B3GALT1: variants seen among roughly 807,000 people sequenced by gnomAD.
B3GALT1 encodes beta-1,3-galactosyltransferase 1.
A neutral mutation model predicts 23.2 loss-of-function variants in B3GALT1; 10 were observed. The observed-to-expected ratio is 0.43, with a 90% CI of 0.27 to 0.73. B3GALT1 has a LOEUF of 0.73. Among genes scored for constraint, B3GALT1 ranks in the 30% least tolerant of loss-of-function variants. B3GALT1 has a pLI of 0.21. For synonymous variants in B3GALT1, 156 were observed against 141.5 expected, an observed-to-expected ratio of 1.10 and a Z score of -0.73; for missense variants, 299 against 405.4, an observed-to-expected ratio of 0.74 and a Z score of 2.25.
At chr2:167,518,418 A>T (rs913320964) in intron 2 of B3GALT1, among the ~76,000 whole-genome samples, 1 of 152,216 alleles carries the variant, frequency 6.6e-6, no homozygotes, top group Non-Finnish European at 1.5e-5. Context: ...TACAAGAAAT[A>T]AATGTAAAAA....
intron 2 of B3GALT1, among the ~76,000 whole-genome samples, chr2:167,512,063 T>A (rs1381471280): frequency 6.6e-6 from 1 of 152,148 alleles, no homozygotes; most frequent in Non-Finnish European, 1.5e-5. Flanking sequence ...TCAAAAGTAC[T>A]ATGAAGAAAA....
At chr2:167,446,889 G>A (rs1283578627) in intron 1 of B3GALT1, among the ~76,000 whole-genome samples, 1 of 152,146 alleles carries the variant, frequency 6.6e-6, no homozygotes, top group Non-Finnish European at 1.5e-5. Flanking sequence ...ATCCAACTTT[G>A]TTGTGTTGCT....
intron 3 of B3GALT1, among the ~76,000 whole-genome samples, chr2:167,669,386 C>G (rs1686279347): frequency 6.6e-6 from 1 of 152,122 alleles, no homozygotes; most frequent in African/African-American, 2.4e-5. Context: ...GACAGAGTTT[C>G]AAGTTATATT....
At chr2:167,737,017 G>T (rs977141933) in intron 3 of B3GALT1, among the ~76,000 whole-genome samples, 1 of 149,016 alleles carries the variant, frequency 6.7e-6, no homozygotes, top group Non-Finnish European at 1.5e-5. Context: ...AATGATGTCA[G>T]TATTTCCTTT....
chr2:167,378,948 C>T (rs1182838452), intron 1 of B3GALT1, among the ~76,000 whole-genome samples: 1 of 152,150 alleles, frequency 6.6e-6, no homozygotes, highest in East Asian at 1.9e-4. Context: ...GATGCTGGCA[C>T]TTCTAATTAT....
chr2:167,641,802 T>C (rs535690412), intron 2 of B3GALT1, among the ~76,000 whole-genome samples: 43 of 152,304 alleles, frequency 2.8e-4, no homozygotes, highest in Admixed American at 2.5e-3. Flanking sequence ...TTCTCTTTCC[T>C]GTCTACTCTT....
At chr2:167,771,192 A>G (rs904325043) in intron 3 of B3GALT1, among the ~76,000 whole-genome samples, 19 of 152,316 alleles carry the variant, frequency 1.2e-4, no homozygotes, top group African/African-American at 4.3e-4. Context: ...AAATGTGGTA[A>G]CGTGAAAGCG....
intron 1 of B3GALT1, among the ~76,000 whole-genome samples, chr2:167,401,032 G>T (rs569924881): frequency 5.9e-5 from 9 of 152,128 alleles, no homozygotes; most frequent in Admixed American, 3.3e-4. Context: ...GGTCTTAATT[G>T]AGTAGGCAGA....
chr2:167,709,435 G>A (rs930495730), intron 3 of B3GALT1, among the ~76,000 whole-genome samples: 5 of 152,208 alleles, frequency 3.3e-5, no homozygotes, highest in African/African-American at 7.2e-5. Context: ...ATCCACAGGT[G>A]TAGCATAAAC....
At chr2:167,812,997 C>CCA (rs1491254769) in intron 3 of B3GALT1, among the ~76,000 whole-genome samples, 8 of 69,166 alleles carry the variant, frequency 1.2e-4, no homozygotes, top group Non-Finnish European at 1.7e-4. Context: ...ACCACCCCCA[C>CCA]CCCCCCCCAC....
intron 4 of B3GALT1, among the ~76,000 whole-genome samples, chr2:167,826,162 G>A (rs374602126): frequency 6.6e-6 from 1 of 152,088 alleles, no homozygotes; most frequent in African/African-American, 2.4e-5. Context: ...AAGTGATGTG[G>A]GGTGAGCCTA....
chr2:167,846,746 C>T (rs757131899), intron 4 of B3GALT1, among the ~76,000 whole-genome samples: 2 of 152,150 alleles, frequency 1.3e-5, no homozygotes, highest in Admixed American at 6.6e-5. Context: ...ATAAATGCAA[C>T]GGTGCCTCAC....
intron 2 of B3GALT1, among the ~76,000 whole-genome samples, chr2:167,570,540 A>G (rs1035070023): frequency 2.0e-5 from 3 of 151,980 alleles, no homozygotes; most frequent in African/African-American, 7.2e-5. Context: ...GTGGGTAATG[A>G]AAAAAGTGTT....
chr2:167,868,252 G>A (rs1690272274), intron 4 of B3GALT1, among the ~76,000 whole-genome samples: 1 of 152,158 alleles, frequency 6.6e-6, no homozygotes, highest in Non-Finnish European at 1.5e-5. Context: ...AGGAACAGTT[G>A]GGAATTACTT....
At chr2:167,622,194 G>A (rs1044054076) in intron 2 of B3GALT1, among the ~76,000 whole-genome samples, 1 of 152,050 alleles carries the variant, frequency 6.6e-6, no homozygotes, top group Non-Finnish European at 1.5e-5. Context: ...TTTGGAAATT[G>A]AACCACTTTA....
intron 2 of B3GALT1, among the ~76,000 whole-genome samples, chr2:167,593,240 ATACTGTAC>A (rs1226694737): frequency 6.6e-5 from 10 of 152,196 alleles, no homozygotes; most frequent in African/African-American, 2.4e-5. Context: ...TAGGTAAAAT[ATACTGTAC>A]TCATGTGATA....
At position 167,545,472 on chromosome 2, in the gene B3GALT1, C is replaced by T. The variant is rs1683620546; in HGVS notation, c.-410+55195C>T. ...TAAAAACATCAGGCTGCAGCTAGAG[C>T]TTAAACTCCCTATATGATTGGTTGA... On this transcript the variant is annotated intron_variant, in intron 2 of 4. Transcript: ENST00000392690. Among the ~76,000 whole-genome samples the T allele has an allele frequency of 2.0e-5, 3 of 152,314 alleles. No homozygotes were observed. In the South Asian group the frequency reaches 6.2e-4, roughly 32 times the overall value.
At chr2:167,581,235 C>T (rs1684478381) in intron 2 of B3GALT1, among the ~76,000 whole-genome samples, 1 of 152,196 alleles carries the variant, frequency 6.6e-6, no homozygotes, top group Admixed American at 6.5e-5. Context: ...CCAAAGCATG[C>T]ACACATTTAC....
At chr2:167,766,709 A>G (rs577966043) in intron 3 of B3GALT1, among the ~76,000 whole-genome samples, 86 of 152,300 alleles carry the variant, frequency 5.6e-4, no homozygotes, top group African/African-American at 2.0e-3. Flanking sequence ...CCCTTGTTTG[A>G]TGAGAGGAAT....
Sources: gnomAD v4.1 joint callset for allele counts (sites outside exome capture counted in the v4.1 genomes callset) on GRCh38, gnomAD v4.1.1 for gene constraint, MANE v1.5 for transcripts, NCBI Gene and HGNC (gene_info 2026-07-23, HGNC 2026-07-21) for gene names.